Variants in ZNF385D observed in about 807,000 individuals in gnomAD.
ZNF385D encodes the protein zinc finger protein 659.
In ZNF385D, 15 loss-of-function variants were observed where a neutral mutation model predicts 35.8. The ratio of observed to expected loss-of-function variants is 0.42; its 90% CI spans 0.28 to 0.64. ZNF385D has a LOEUF of 0.64. ZNF385D is among the 30% of genes least tolerant of loss of function. The pLI is 0.23. For synonymous variants in ZNF385D, 212 were observed against 186.8 expected, an observed-to-expected ratio of 1.13 and a Z score of -1.10; for missense variants, 474 against 494.6, an observed-to-expected ratio of 0.96 and a Z score of 0.39.
At chr3:21,948,597 TA>T (rs1701908506) in intron 3 of ZNF385D, among the ~76,000 whole-genome samples, 1 of 152,008 alleles carries the variant, frequency 6.6e-6, no homozygotes, top group South Asian at 2.1e-4. Flanking sequence ...GATTTCTATA[TA>T]CTGAATTGGC....
intron 2 of ZNF385D, among the ~76,000 whole-genome samples, chr3:22,197,792 G>T (rs1334376732): frequency 1.3e-5 from 2 of 152,076 alleles, no homozygotes; most frequent in Non-Finnish European, 2.9e-5. Flanking sequence ...ATGACTTGAT[G>T]AACAAAAGCT....
chr3:22,018,217 T>C (rs1483042694), intron 3 of ZNF385D, among the ~76,000 whole-genome samples: 12 of 151,600 alleles, frequency 7.9e-5, no homozygotes, highest in Admixed American at 6.6e-4. Context: ...GAAATAAATA[T>C]GACTGTCTAA....
At chr3:22,312,676 G>C (rs949549015) in intron 2 of ZNF385D, among the ~76,000 whole-genome samples, 32 of 152,020 alleles carry the variant, frequency 2.1e-4, no homozygotes, top group African/African-American at 7.3e-4. Flanking sequence ...GGCCATCAGA[G>C]AAATGCAAAT....
intron 2 of ZNF385D, among the ~76,000 whole-genome samples, chr3:22,251,482 T>C (rs1452637281): frequency 6.6e-6 from 1 of 152,134 alleles, no homozygotes; most frequent in African/African-American, 2.4e-5. Flanking sequence ...ATCTCTTAAG[T>C]GGCTATTCAT....
intron 5 of ZNF385D, 133 bp from the exon 6 acceptor site, chr3:21,425,803 G>C: frequency 1.4e-6 from 1 of 728,390 alleles, no homozygotes; most frequent in Non-Finnish European, 2.0e-6. Context: ...AAAATCTGAT[G>C]CCTCATTTTA....
intron 2 of ZNF385D, among the ~76,000 whole-genome samples, chr3:22,213,580 G>C (rs565415381): frequency 2.0e-5 from 3 of 152,162 alleles, no homozygotes; most frequent in African/African-American, 7.2e-5. Flanking sequence ...ATCAGTCTTA[G>C]ATCCAGTATG....
At chr3:21,734,284 G>GA (rs1559564290) in intron 1 of ZNF385D, among the ~76,000 whole-genome samples, 2 of 58,454 alleles carry the variant, frequency 3.4e-5, no homozygotes, top group Admixed American at 2.5e-4. Flanking sequence ...GAACACTCAG[G>GA]GTTTTTTTTT....
intron 3 of ZNF385D, among the ~76,000 whole-genome samples, chr3:22,003,866 C>T (rs1576129758): frequency 1.5e-5 from 2 of 136,964 alleles, no homozygotes; most frequent in South Asian, 2.6e-4. Context: ...GACTCCATCC[C>T]CCCACCAAAA....
At chr3:21,704,771 C>G (rs2067836064) in intron 1 of ZNF385D, among the ~76,000 whole-genome samples, 1 of 152,182 alleles carries the variant, frequency 6.6e-6, no homozygotes, top group East Asian at 1.9e-4. Context: ...GTACCTAGAA[C>G]AGTACCTGAC....
At chr3:22,072,447 C>A (rs1700272720) in intron 3 of ZNF385D, among the ~76,000 whole-genome samples, 1 of 152,050 alleles carries the variant, frequency 6.6e-6, no homozygotes, top group Admixed American at 6.6e-5. Flanking sequence ...ACAATCTCAT[C>A]AAGAATCACT....
intron 2 of ZNF385D, among the ~76,000 whole-genome samples, chr3:22,217,085 TAGG>T (rs1183367392): frequency 6.6e-5 from 10 of 152,088 alleles, no homozygotes; most frequent in African/African-American, 2.4e-4. Flanking sequence ...CCTTAACCTA[TAGG>T]TAAAAGAGAA....
upstream of ZNF385D, among the ~76,000 whole-genome samples, chr3:21,752,997 G>C (rs949323594): frequency 6.6e-6 from 1 of 152,118 alleles, no homozygotes; most frequent in Non-Finnish European, 1.5e-5. Context: ...GTCCATTTGA[G>C]TTCCTGTAGT....
At chr3:21,655,163 C>G (rs1424744441) in intron 2 of ZNF385D, among the ~76,000 whole-genome samples, 1 of 151,992 alleles carries the variant, frequency 6.6e-6, no homozygotes, top group Non-Finnish European at 1.5e-5. Context: ...ACCAGAGATT[C>G]TGGTTCAATA....
upstream of ZNF385D, among the ~76,000 whole-genome samples, chr3:21,755,436 C>T (rs1052096378): frequency 6.6e-6 from 1 of 152,236 alleles, no homozygotes; most frequent in East Asian, 1.9e-4. Flanking sequence ...ACACTCTTCA[C>T]TGTGTGAAAC....
At chr3:22,156,640 C>T (rs1705603535) in intron 3 of ZNF385D, among the ~76,000 whole-genome samples, 1 of 152,100 alleles carries the variant, frequency 6.6e-6, no homozygotes, top group South Asian at 2.1e-4. Context: ...TGAAATGCCT[C>T]CATAGCAGAC....
chr3:21,982,034 T>A (rs1373396993), intron 3 of ZNF385D, among the ~76,000 whole-genome samples: 1 of 151,988 alleles, frequency 6.6e-6, no homozygotes, highest in Non-Finnish European at 1.5e-5. Flanking sequence ...TAGGATCGCC[T>A]TGGCTATTTG....
At chr3:21,882,934 A>C (rs934861827) in intron 3 of ZNF385D, among the ~76,000 whole-genome samples, 2 of 151,980 alleles carry the variant, frequency 1.3e-5, no homozygotes, top group Non-Finnish European at 2.9e-5. Flanking sequence ...TGCTAATAGT[A>C]ATTGCATTTA....
intron 3 of ZNF385D, among the ~76,000 whole-genome samples, chr3:22,149,157 C>A (rs891553291): frequency 2.6e-5 from 4 of 151,938 alleles, no homozygotes; most frequent in African/African-American, 9.7e-5. Flanking sequence ...TTTTAGACCC[C>A]CGGCTGATTT....
chr3:21,929,358 T>A (rs1316881419), intron 3 of ZNF385D, among the ~76,000 whole-genome samples: 1 of 152,188 alleles, frequency 6.6e-6, no homozygotes, highest in Non-Finnish European at 1.5e-5. Context: ...TTGCCAATAT[T>A]GCACATAATA....
Sources: allele counts gnomAD v4.1 joint callset (sites outside exome capture counted in the v4.1 genomes callset), GRCh38; gene constraint gnomAD v4.1.1; transcripts MANE v1.5; gene names NCBI Gene and HGNC (gene_info 2026-07-23, HGNC 2026-07-21).